SGCZ: variants seen among roughly 807,000 people sequenced by gnomAD.
The protein encoded by SGCZ is zeta-sarcoglycan.
SGCZ carries 40 observed loss-of-function variants against 41.3 expected under a neutral mutation model. The observed-to-expected ratio is 0.97, with a 90% confidence interval of 0.75 to 1.26. SGCZ has a LOEUF of 1.26. Among genes scored for constraint, SGCZ ranks in the 50% most tolerant of loss-of-function variants. SGCZ has a pLI of 0.00. For synonymous variants in SGCZ, 206 were observed against 137.5 expected, an observed-to-expected ratio of 1.50 and a Z score of -3.49; for missense variants, 552 against 369.8, an observed-to-expected ratio of 1.49 and a Z score of -4.04.
intron 2 of SGCZ, among the ~76,000 whole-genome samples, chr8:14,540,454 A>C (rs13271560): frequency 0.27 from 40,566 of 150,686 alleles, 5,656 homozygotes; most frequent in East Asian, 0.41. Flanking sequence ...TCTAGACTGG[A>C]TATCTGTTAC....
chr8:14,222,191 G>C (rs1052572152), intron 4 of SGCZ, among the ~76,000 whole-genome samples: 2 of 151,722 alleles, frequency 1.3e-5, no homozygotes, highest in Non-Finnish European at 2.9e-5. Context: ...TGTTTTTTGA[G>C]GCACAGTCTT....
chr8:14,662,683 A>T (rs759581306), intron 1 of SGCZ, among the ~76,000 whole-genome samples: 2 of 152,188 alleles, frequency 1.3e-5, no homozygotes, highest in Non-Finnish European at 2.9e-5. Context: ...GGACAAAAGA[A>T]AATTAAGGTT....
chr8:14,899,391 C>G (rs1465873482), intron 1 of SGCZ, among the ~76,000 whole-genome samples: 1 of 152,054 alleles, frequency 6.6e-6, no homozygotes, highest in Non-Finnish European at 1.5e-5. Flanking sequence ...ACTATTCTGA[C>G]CTTAAAGATT....
intron 1 of SGCZ, among the ~76,000 whole-genome samples, chr8:14,590,480 T>A (rs1297846446): frequency 6.6e-6 from 1 of 151,534 alleles, no homozygotes; most frequent in Admixed American, 6.6e-5. Flanking sequence ...AATCAAGTTC[T>A]TTTACTCAGA....
intron 1 of SGCZ, among the ~76,000 whole-genome samples, chr8:15,127,455 A>C (rs1325744724): frequency 6.6e-6 from 1 of 152,230 alleles, no homozygotes; most frequent in East Asian, 1.9e-4. Context: ...TATAGAGAGC[A>C]GTTCTGGGGT....
intron 1 of SGCZ, among the ~76,000 whole-genome samples, chr8:14,932,038 T>C (rs1472871261): frequency 6.6e-6 from 1 of 152,060 alleles, no homozygotes; most frequent in African/African-American, 2.4e-5. Context: ...GTATGTCCAT[T>C]TTTTCAGTAT....
chr8:14,190,868 C>G (rs963287785), intron 4 of SGCZ, among the ~76,000 whole-genome samples: 2 of 152,174 alleles, frequency 1.3e-5, no homozygotes, highest in African/African-American at 4.8e-5. Context: ...TCCCAAAGTG[C>G]TGGGATTACA....
chr8:14,732,561 C>T (rs972461840), intron 1 of SGCZ, among the ~76,000 whole-genome samples: 14 of 148,148 alleles, frequency 9.5e-5, no homozygotes, highest in African/African-American at 3.2e-4. Flanking sequence ...GAATGCTAAG[C>T]CCCTCACACT....
chr8:14,164,625 C>T lies in SGCZ; in HGVS notation c.502G>A (p.Asp168Asn). 4 of 1,613,640 alleles carry T rather than the reference C, an allele frequency of 2.5e-6. No individual in the cohort carries two copies. Among genetic ancestry groups the T allele is most frequent in the South Asian group, 2.2e-5 (2 of 91,074 alleles). The change falls in exon 5 of 8, where the codon GAT becomes AAT. Residue 168 changes from aspartate to asparagine, a missense_variant. By Grantham distance (23) the Asp-to-Asn change is conservative. Transcript: ENST00000382080. ...GCCCCAATGGTAATCTCATCTTCAT[C>T]TGCAGAAAACAGCACCCTGCCATCT... ...SEDGRVLFSADEDEITIGAEK... is the reference protein window; with the variant it reads ...SEDGRVLFSANEDEITIGAEK...
intron 1 of SGCZ, among the ~76,000 whole-genome samples, chr8:15,204,984 G>A (rs562220279): frequency 6.6e-6 from 1 of 152,190 alleles, no homozygotes; most frequent in Admixed American, 6.5e-5. Context: ...TAGGTGATGA[G>A]AAATAAGCAC....
intron 2 of SGCZ, among the ~76,000 whole-genome samples, chr8:14,333,930 C>A (rs563751094): frequency 6.6e-6 from 1 of 152,086 alleles, no homozygotes; most frequent in Non-Finnish European, 1.5e-5. Flanking sequence ...GATTCAGTTG[C>A]GTCCTAATGT....
intron 5 of SGCZ, among the ~76,000 whole-genome samples, chr8:14,141,496 C>A (rs1042915187): frequency 6.6e-6 from 1 of 152,052 alleles, no homozygotes; most frequent in African/African-American, 2.4e-5. Context: ...CCATCAAAAA[C>A]TGGGCAAAGG....
At chr8:14,788,342 T>A (rs13275534) in intron 1 of SGCZ, among the ~76,000 whole-genome samples, 1 of 151,990 alleles carries the variant, frequency 6.6e-6, no homozygotes, top group East Asian at 1.9e-4. Context: ...CTTGGGCGAT[T>A]AATTTCTCTA....
intron 1 of SGCZ, among the ~76,000 whole-genome samples, chr8:14,929,354 G>A (rs1489710574): frequency 1.3e-5 from 2 of 152,120 alleles, no homozygotes; most frequent in African/African-American, 2.4e-5. Context: ...AAAGTGAGAG[G>A]CATATGCTTT....
At chr8:14,288,866 TG>T (rs1800740918) in intron 3 of SGCZ, among the ~76,000 whole-genome samples, 2 of 152,184 alleles carry the variant, frequency 1.3e-5, no homozygotes, top group Non-Finnish European at 2.9e-5. Flanking sequence ...ATGTTTTCCA[TG>T]GGGCTGTCCT....
At chr8:15,212,230 T>C (rs2117162699) in intron 1 of SGCZ, among the ~76,000 whole-genome samples, 1 of 152,290 alleles carries the variant, frequency 6.6e-6, no homozygotes, top group Non-Finnish European at 1.5e-5. Context: ...TGAGTTGTTC[T>C]TATAATGATT....
rs150831710 is a variant in SGCZ at position 15,137,751 on chromosome 8, A to T, written c.39+99834T>A. ...CTTAGATTTCAGAGGACATATAGACATGTATGAATGTCCAGGCAGAAGTTT... is the reference window on the plus strand; with the variant it reads ...CTTAGATTTCAGAGGACATATAGACTTGTATGAATGTCCAGGCAGAAGTTT... On this transcript the variant is annotated intron_variant, in intron 1 of 7. Transcript: ENST00000382080. 5.5e-3 allele frequency among the ~76,000 whole-genome samples: 845 copies of T among 152,326 alleles called. 10 individuals carry two copies. Among genetic ancestry groups the T allele is most frequent in the Non-Finnish European group, 7.7e-3 (524 of 68,018 alleles).
intron 3 of SGCZ, among the ~76,000 whole-genome samples, chr8:14,273,466 T>A (rs2117268893): frequency 6.6e-6 from 1 of 152,246 alleles, no homozygotes; most frequent in African/African-American, 2.4e-5. Context: ...CCTCACACTC[T>A]CCCTAAACTT....
intron 2 of SGCZ, among the ~76,000 whole-genome samples, chr8:14,439,130 C>T (rs1800173005): frequency 6.6e-6 from 1 of 151,804 alleles, no homozygotes; most frequent in South Asian, 2.1e-4. Context: ...ATGGGCTCTG[C>T]CTTTGACCGT....
Sources: allele counts gnomAD v4.1 joint callset (sites outside exome capture counted in the v4.1 genomes callset), GRCh38; gene constraint gnomAD v4.1.1; transcripts MANE v1.5; gene names NCBI Gene and HGNC (gene_info 2026-07-23, HGNC 2026-07-21).